TMEM132D: variants seen among roughly 807,000 people sequenced by gnomAD.
TMEM132D encodes transmembrane protein 132D.
In TMEM132D, 21 loss-of-function variants were observed where a neutral mutation model predicts 62.3. That is an observed-to-expected ratio of 0.34 (90% confidence interval 0.24 to 0.49). The LOEUF (loss-of-function observed/expected upper bound fraction) is 0.49. TMEM132D is among the 20% of genes least tolerant of loss of function. The pLI, the probability that TMEM132D is intolerant of heterozygous loss-of-function variation, is 0.99. For missense variants in TMEM132D, 1,346 were observed against 1,402.8 expected (o/e 0.96, Z 0.65); for synonymous variants, 621 against 575.6 (o/e 1.08, Z -1.13).
At chr12:129,374,958 G>A (rs553560705) in intron 3 of TMEM132D, among the ~76,000 whole-genome samples, 3 of 152,228 alleles carry the variant, frequency 2.0e-5, no homozygotes, top group South Asian at 2.1e-4. Flanking sequence ...CATCAGAGCC[G>A]TCCCTACCTG....
chr12:129,814,551 C>T (rs1432666762), intron 1 of TMEM132D, among the ~76,000 whole-genome samples: 1 of 132,962 alleles, frequency 7.5e-6, no homozygotes, highest in African/African-American at 2.9e-5. Context: ...ACAGAGGTTG[C>T]AGTGAGCCGA....
chr12:129,689,722 C>A (rs555740104), intron 2 of TMEM132D, among the ~76,000 whole-genome samples: 1 of 152,280 alleles, frequency 6.6e-6, no homozygotes, highest in South Asian at 2.1e-4. Flanking sequence ...ATAATAAATT[C>A]TCATTTTTCT....
chr12:129,298,717 G>T (rs1206915767), intron 4 of TMEM132D, among the ~76,000 whole-genome samples: 1 of 152,108 alleles, frequency 6.6e-6, no homozygotes, highest in African/African-American at 2.4e-5. Context: ...TCACATATGA[G>T]TGAAATCCTG....
At chr12:129,772,733 AGCCTCTAAGCCAGCAGAG>A (rs1290809225) in intron 1 of TMEM132D, among the ~76,000 whole-genome samples, 1 of 152,212 alleles carries the variant, frequency 6.6e-6, no homozygotes, top group East Asian at 1.9e-4. Context: ...CTCAAAAGAG[AGCCTCTAAGCCAGCAGAG>A]GCCCAGGGCT....
At chr12:129,726,723 G>A (rs1456663624) in intron 1 of TMEM132D, among the ~76,000 whole-genome samples, 9 of 152,172 alleles carry the variant, frequency 5.9e-5, no homozygotes, top group Admixed American at 5.9e-4. Flanking sequence ...ATGAATCCAA[G>A]TGAGTGCTAC....
chr12:129,507,409 G>A (rs1269345423), intron 3 of TMEM132D, among the ~76,000 whole-genome samples: 1 of 152,086 alleles, frequency 6.6e-6, no homozygotes, highest in African/African-American at 2.4e-5. Context: ...ATACTTGCAC[G>A]TGCATGTTTA....
intron 1 of TMEM132D, among the ~76,000 whole-genome samples, chr12:129,738,530 C>A (rs2137257570): frequency 6.6e-6 from 1 of 152,274 alleles, no homozygotes; most frequent in Admixed American, 6.5e-5. Flanking sequence ...GGAGAAAACC[C>A]CAACACGCTG....
intron 1 of TMEM132D, among the ~76,000 whole-genome samples, chr12:129,848,516 A>G (rs1873436738): frequency 6.6e-6 from 1 of 152,236 alleles, no homozygotes; most frequent in Non-Finnish European, 1.5e-5. Context: ...ATGGGGAAAA[A>G]GTAGAAAATT....
At chr12:129,323,400 G>A (rs751594558) in intron 4 of TMEM132D, among the ~76,000 whole-genome samples, 4 of 141,966 alleles carry the variant, frequency 2.8e-5, no homozygotes, top group Non-Finnish European at 4.6e-5. Flanking sequence ...TGAACATGCT[G>A]CAAAGAGAAA....
intron 2 of TMEM132D, among the ~76,000 whole-genome samples, chr12:129,579,154 C>T (rs377585209): frequency 4.7e-4 from 71 of 152,250 alleles, no homozygotes; most frequent in African/African-American, 1.6e-3. Context: ...TGCTTTTGAA[C>T]GATGAATGCT....
chr12:129,141,153 C>T (rs1422942679), intron 5 of TMEM132D, among the ~76,000 whole-genome samples: 1 of 152,186 alleles, frequency 6.6e-6, no homozygotes, highest in Non-Finnish European at 1.5e-5. Context: ...ATTGGCATTG[C>T]TAGAACTCTT....
intron 5 of TMEM132D, among the ~76,000 whole-genome samples, chr12:129,167,559 T>TG (rs1175856290): frequency 2.0e-5 from 3 of 152,176 alleles, no homozygotes; most frequent in Admixed American, 2.0e-4. Context: ...GGTCCTGGCA[T>TG]GGGGTCTCCA....
intron 2 of TMEM132D, among the ~76,000 whole-genome samples, chr12:129,623,291 T>C (rs1027292370): frequency 6.6e-6 from 1 of 152,210 alleles, no homozygotes; most frequent in African/African-American, 2.4e-5. Flanking sequence ...TTTTGTATTT[T>C]ATTTCAATAG....
intron 1 of TMEM132D, among the ~76,000 whole-genome samples, chr12:129,864,109 A>G (rs1444582421): frequency 6.6e-6 from 1 of 152,174 alleles, no homozygotes; most frequent in Non-Finnish European, 1.5e-5. Flanking sequence ...TGCCACTCCT[A>G]TCTTACTCTC....
rs562728624 is a variant in TMEM132D at position 129,224,777 on chromosome 12, G to A, written c.1300-15114C>T. Among the ~76,000 whole-genome samples the A allele has an allele frequency of 5.3e-5, 8 of 152,160 alleles. No homozygotes were observed. The South Asian group carries it at 8.3e-4, about 16-fold the overall frequency. On this transcript the variant is annotated intron_variant, in intron 4 of 8. Coordinates refer to ENST00000422113, the MANE Select transcript of TMEM132D (RefSeq NM_133448.3). ...AAAATTAGCCAGGCATGGTGGCCACGCCTGCAGTCCCAGCTACTCAGGAGG... is the reference window on the plus strand; with the variant it reads ...AAAATTAGCCAGGCATGGTGGCCACACCTGCAGTCCCAGCTACTCAGGAGG...
intron 2 of TMEM132D, among the ~76,000 whole-genome samples, chr12:129,574,786 C>A (rs1055740993): frequency 6.6e-6 from 1 of 151,716 alleles, no homozygotes; most frequent in Non-Finnish European, 1.5e-5. Flanking sequence ...AGGTTTGCTG[C>A]GCCCCTCAGT....
intron 1 of TMEM132D, among the ~76,000 whole-genome samples, chr12:129,713,741 A>G (rs933652235): frequency 1.3e-5 from 2 of 152,242 alleles, no homozygotes; most frequent in African/African-American, 4.8e-5. Context: ...CACTGAGTTC[A>G]GTGCTTCTCC....
intron 1 of TMEM132D, among the ~76,000 whole-genome samples, chr12:129,824,268 A>C (rs952286918): frequency 6.6e-6 from 1 of 152,184 alleles, no homozygotes; most frequent in Non-Finnish European, 1.5e-5. Flanking sequence ...TTTCTACTAC[A>C]TAGCAGGCTC....
chr12:129,080,020 TGTGA>T (rs1196698405), intron 7 of TMEM132D, among the ~76,000 whole-genome samples: 1 of 152,238 alleles, frequency 6.6e-6, no homozygotes, highest in Non-Finnish European at 1.5e-5. Flanking sequence ...CTCATCTCGC[TGTGA>T]GTTTCTGGGC....
Sources: gnomAD v4.1 joint callset for allele counts (sites outside exome capture counted in the v4.1 genomes callset) on GRCh38, gnomAD v4.1.1 for gene constraint, MANE v1.5 for transcripts, NCBI Gene and HGNC (gene_info 2026-07-23, HGNC 2026-07-21) for gene names.